The following TTC28 variants were observed in gnomAD, a reference collection of about 807,000 sequenced individuals.
TTC28 encodes the protein tetratricopeptide repeat protein 28.
A neutral mutation model predicts 198.0 loss-of-function variants in TTC28; 61 were observed. The ratio of observed to expected loss-of-function variants is 0.31; its 90% CI spans 0.25 to 0.38. The LOEUF is 0.38. Among genes scored for constraint, TTC28 ranks in the 10% least tolerant of loss-of-function variants. The pLI, the probability that TTC28 is intolerant of heterozygous loss-of-function variation, is 1.00. For synonymous variants in TTC28, 1,171 were observed against 1,297.8 expected (o/e 0.90, Z 2.10); for missense variants, 2,678 against 3,164.0 (o/e 0.85, Z 3.69).
intron 2 of TTC28, among the ~76,000 whole-genome samples, chr22:28,341,618 C>G (rs1012591170): frequency 2.6e-5 from 4 of 151,956 alleles, no homozygotes; most frequent in African/African-American, 9.7e-5. Flanking sequence ...ATGGTGAAAC[C>G]CTGTCTCTAC....
intron 6 of TTC28, among the ~76,000 whole-genome samples, chr22:28,119,431 C>T (rs1211970761): frequency 6.6e-6 from 1 of 152,216 alleles, no homozygotes; most frequent in Non-Finnish European, 1.5e-5. Flanking sequence ...TCAAAGGGAA[C>T]TTGACACCAG....
At chr22:28,105,228 T>C in intron 8 of TTC28, 51 bp downstream of exon 8, 1 of 1,515,258 alleles carries the variant, frequency 6.6e-7, no homozygotes, top group South Asian at 1.3e-5. Context: ...GTTCTGACTC[T>C]GAACTTGATT....
intron 12 of TTC28, among the ~76,000 whole-genome samples, chr22:28,034,835 T>C (rs1939271797): frequency 6.6e-6 from 1 of 152,166 alleles, no homozygotes; most frequent in Admixed American, 6.5e-5. Context: ...CCAGCATCTG[T>C]TCCAGGGATC....
At chr22:28,159,747 G>A (rs1366373534) in intron 6 of TTC28, among the ~76,000 whole-genome samples, 3 of 151,706 alleles carry the variant, frequency 2.0e-5, no homozygotes, top group East Asian at 1.9e-4. Flanking sequence ...TCAGTATGTC[G>A]AAGAGATATC....
chr22:28,560,636 C>T (rs2049855091), intron 2 of TTC28, among the ~76,000 whole-genome samples: 1 of 152,146 alleles, frequency 6.6e-6, no homozygotes. Context: ...CACTTCCTTA[C>T]TTCATTCAGG....
At chr22:28,082,996 CGGAAATATATTTCT>C (rs1941421376) in intron 12 of TTC28, among the ~76,000 whole-genome samples, 1 of 150,076 alleles carries the variant, frequency 6.7e-6, no homozygotes, top group African/African-American at 2.5e-5. Flanking sequence ...ATGTATTTTA[CGGAAATATATTTCT>C]ATAAATCTGC....
chr22:28,163,726 C>A (rs906257373), intron 5 of TTC28, 127 bp from the exon 6 acceptor site: 13 of 1,040,712 alleles, frequency 1.2e-5, no homozygotes, highest in Non-Finnish European at 1.8e-5. Context: ...CAGCTCCCAG[C>A]GTGAGTGACG....
chr22:28,670,101 G>A (rs1464442507), intron 1 of TTC28, among the ~76,000 whole-genome samples: 1 of 147,394 alleles, frequency 6.8e-6, no homozygotes, highest in Admixed American at 6.8e-5. Context: ...ATAAAAATGG[G>A]GGGGGGGCAA....
Position 28,410,409 on chromosome 22 carries a change from T to G in TTC28, c.382-103766A>C, listed in dbSNP as rs533406694. Among the ~76,000 whole-genome samples the G allele has an allele frequency of 2.6e-5, 4 of 152,354 alleles. No homozygotes were observed. In the East Asian group the frequency reaches 7.7e-4, roughly 29 times the overall value. On this transcript the variant is annotated intron_variant, in intron 2 of 22. Transcript: ENST00000397906. ...CCACTCTGTTGGCCTTGGTGACTAT[T>G]GTGAACATATTCTTGTTTATCTATA...
At chr22:28,156,529 C>T (rs1196011836) in intron 6 of TTC28, among the ~76,000 whole-genome samples, 1 of 152,134 alleles carries the variant, frequency 6.6e-6, no homozygotes, top group East Asian at 1.9e-4. Context: ...ATTGGTTATA[C>T]AGGAATAAGA....
chr22:28,618,682 CAAA>C (rs397974118), intron 2 of TTC28, among the ~76,000 whole-genome samples: 1 of 54,020 alleles, frequency 1.9e-5, no homozygotes, highest in Non-Finnish European at 4.0e-5. Flanking sequence ...ACTCTGTCTC[CAAA>C]AAAAAAAAAA....
intron 2 of TTC28, among the ~76,000 whole-genome samples, chr22:28,375,783 G>C (rs1442303019): frequency 6.6e-6 from 1 of 152,134 alleles, no homozygotes; most frequent in East Asian, 1.9e-4. Flanking sequence ...CCATACAAAT[G>C]GCTGCAGAAC....
chr22:28,634,845 A>AC (rs1411008048), intron 1 of TTC28, among the ~76,000 whole-genome samples: 2 of 151,066 alleles, frequency 1.3e-5, no homozygotes, highest in Non-Finnish European at 2.9e-5. Flanking sequence ...CTGGCCTCCC[A>AC]AAGTGCTGGG....
chr22:28,404,276 C>G (rs573256306), intron 2 of TTC28, among the ~76,000 whole-genome samples: 1 of 152,000 alleles, frequency 6.6e-6, no homozygotes, highest in South Asian at 2.1e-4. Context: ...CCCACCACTA[C>G]GCCCGGCTAA....
At chr22:28,632,801 A>G (rs2051200837) in intron 1 of TTC28, among the ~76,000 whole-genome samples, 1 of 151,710 alleles carries the variant, frequency 6.6e-6, no homozygotes, top group Non-Finnish European at 1.5e-5. Flanking sequence ...GAAGAATCCT[A>G]CTATTACAGT....
intron 12 of TTC28, among the ~76,000 whole-genome samples, chr22:28,089,982 G>A (rs917239195): frequency 2.0e-5 from 3 of 151,770 alleles, no homozygotes; most frequent in Non-Finnish European, 4.4e-5. Flanking sequence ...TGGGAGGGGA[G>A]AAGGATAGCA....
chr22:28,265,987 C>A (rs1005268657), intron 5 of TTC28, among the ~76,000 whole-genome samples: 5 of 152,054 alleles, frequency 3.3e-5, no homozygotes, highest in Non-Finnish European at 7.4e-5. Flanking sequence ...CAAGACCAGA[C>A]TGGCTAACAT....
chr22:28,397,646 G>T (rs932693086), intron 2 of TTC28, among the ~76,000 whole-genome samples: 1 of 152,168 alleles, frequency 6.6e-6, no homozygotes, highest in African/African-American at 2.4e-5. Context: ...GCTGTTTTGA[G>T]TCTTTTATTT....
At chr22:28,407,421 C>T (rs986967964) in intron 2 of TTC28, among the ~76,000 whole-genome samples, 3 of 151,996 alleles carry the variant, frequency 2.0e-5, no homozygotes, top group African/African-American at 4.8e-5. Flanking sequence ...TTCCCAGGTT[C>T]GGGAATATGG....
Sources: gnomAD v4.1 joint callset for allele counts (sites outside exome capture counted in the v4.1 genomes callset) on GRCh38, gnomAD v4.1.1 for gene constraint, MANE v1.5 for transcripts, NCBI Gene and HGNC (gene_info 2026-07-23, HGNC 2026-07-21) for gene names.